Variants in ZZEF1 observed in about 807,000 individuals in gnomAD.
The protein encoded by ZZEF1 is zinc finger ZZ-type and EF-hand domain-containing protein 1.
In ZZEF1, 157 loss-of-function variants were observed where a neutral mutation model predicts 342.8. The observed-to-expected ratio is 0.46, with a 90% CI of 0.40 to 0.52. The LOEUF (loss-of-function observed/expected upper bound fraction) is 0.52. ZZEF1 is among the 20% of genes least tolerant of loss of function. The pLI, the probability that ZZEF1 is intolerant of heterozygous loss-of-function variation, is 0.00. For missense variants in ZZEF1, 3,480 were observed against 3,725.6 expected, an observed-to-expected ratio of 0.93 and a Z score of 1.72; for synonymous variants, 1,505 against 1,429.1, an observed-to-expected ratio of 1.05 and a Z score of -1.20.
chr17:4,083,528 A>G (rs1460835160), intron 16 of ZZEF1, among the ~76,000 whole-genome samples: 2 of 152,070 alleles, frequency 1.3e-5, no homozygotes, highest in Non-Finnish European at 2.9e-5. Context: ...TAGCCTCAAC[A>G]TGATTCTCCT....
At chr17:4,082,171 TTGTTAAACATTACTTGGAAAC>T (rs1192016296) in intron 17 of ZZEF1, among the ~76,000 whole-genome samples, 3 of 152,240 alleles carry the variant, frequency 2.0e-5, no homozygotes, top group Non-Finnish European at 4.4e-5. Context: ...TCAGTTTTTG[TTGTTAAACATTACTTGGAAAC>T]TGAAGTGTTC....
intron 31 of ZZEF1, among the ~76,000 whole-genome samples, chr17:4,058,684 G>T (rs1305275522): frequency 6.6e-6 from 1 of 152,172 alleles, no homozygotes; most frequent in African/African-American, 2.4e-5. Flanking sequence ...AGGCCAGCCT[G>T]AGCAACATGG....
chr17:4,097,926 CAAA>C (rs541461547), intron 9 of ZZEF1, among the ~76,000 whole-genome samples: 4 of 63,676 alleles, frequency 6.3e-5, no homozygotes, highest in African/African-American at 1.8e-4. Context: ...CCATTTCTAC[CAAA>C]AAAAAAAAAA....
chr17:4,074,267 C>T lies in ZZEF1; in HGVS notation c.3568G>A (p.Val1190Ile). The change falls in exon 24 of 55, where the codon GTC becomes ATC. Residue 1190 changes from valine (V) to isoleucine (I), a missense_variant. Physicochemically the swap from Val to Ile is conservative, Grantham distance 29. This residue lies in a region of ZZEF1 where 1,528 missense variants were observed against 1,624.1 expected (regional missense o/e 0.94). Coordinates refer to ENST00000381638, the MANE Select transcript of ZZEF1 (RefSeq NM_015113.4). ...ACATCGGGCAGCCCACAGGCAGTGA[C>T]AGTGAATTTGTAGCCCCATTCGTTG... is the stretch of plus-strand genomic sequence containing the variant. ...SHNEWGYKFTVTACGLPDVAV... is the reference protein window; with the variant it reads ...SHNEWGYKFTITACGLPDVAV... 6.2e-7 allele frequency: 1 copy of T among 1,614,178 alleles called. No homozygotes were observed. The highest frequency in any genetic ancestry group is 8.5e-7 in the Non-Finnish European group (1 of 1,180,038).
chr17:4,012,465 G>C (rs1461904075), intron 52 of ZZEF1, among the ~76,000 whole-genome samples: 1 of 152,110 alleles, frequency 6.6e-6, no homozygotes, highest in Non-Finnish European at 1.5e-5. Context: ...CATTCTGTGT[G>C]TCTGTGTCTG....
At position 4,008,263 on chromosome 17, in the gene ZZEF1, C is replaced by G. The variant is rs1421014389; in HGVS notation, c.8805+620G>C. 1 of 154,108 alleles carries G rather than the reference C, an allele frequency of 6.5e-6. No homozygotes were observed. The highest frequency in any genetic ancestry group is 2.4e-5 in the African/African-American group (1 of 41,476). 9.5% of individuals were successfully genotyped at this position (154,108 alleles called of 1,614,324 possible). Reference sequence around the variant, plus strand: ...AGGCATTCCTTTTTTCTTTTTTGGTCACCTATTTGTCCCAGAGCACTCAGT... The same window carrying G: ...AGGCATTCCTTTTTTCTTTTTTGGTGACCTATTTGTCCCAGAGCACTCAGT... On this transcript the variant is annotated intron_variant, in intron 54 of 54. Coordinates refer to ENST00000381638, the MANE Select transcript of ZZEF1 (RefSeq NM_015113.4). This position sits in a 1 kb window ranked among gnomAD's most constrained non-coding sequence, Gnocchi z 4.2.
intron 1 of ZZEF1, 132 bp downstream of exon 1, chr17:4,142,410 G>T: frequency 1.1e-6 from 1 of 943,672 alleles, no homozygotes; most frequent in Non-Finnish European, 1.5e-6. Context: ...CGAAGCAAAC[G>T]CCTGGTGAAA....
intron 2 of ZZEF1, among the ~76,000 whole-genome samples, chr17:4,122,677 GC>G (rs2145545155): frequency 6.6e-6 from 1 of 152,228 alleles, no homozygotes; most frequent in Non-Finnish European, 1.5e-5. Context: ...GAGCCACTGT[GC>G]CCCGCCGGCA....
At chr17:4,122,847 A>AT (rs2145546056) in intron 2 of ZZEF1, among the ~76,000 whole-genome samples, 1 of 152,026 alleles carries the variant, frequency 6.6e-6, no homozygotes, top group South Asian at 2.1e-4. Flanking sequence ...GAGGAGCCAC[A>AT]TTCACCTAAT....
chr17:4,040,103 C>T (rs1049937931), intron 39 of ZZEF1, among the ~76,000 whole-genome samples: 8 of 152,146 alleles, frequency 5.3e-5, no homozygotes, highest in East Asian at 3.9e-4. Context: ...GACTTCTCAT[C>T]GGTTGTTCTA....
intron 17 of ZZEF1, 66 bp from the exon 18 acceptor site, chr17:4,081,556 G>T: frequency 1.5e-6 from 2 of 1,371,010 alleles, no homozygotes; most frequent in Non-Finnish European, 2.1e-6. Context: ...TATTTTAAAA[G>T]ATTCCAAAAC....
chr17:4,013,032 T>G lies in ZZEF1; in HGVS notation c.8579+417A>C, dbSNP rs181074795. Among the ~76,000 whole-genome samples the G allele has an allele frequency of 1.4e-3, 215 of 150,464 alleles. 1 individual carries two copies. Among genetic ancestry groups the G allele is most frequent in the African/African-American group, 4.9e-3 (199 of 40,802 alleles). On this transcript the variant is annotated intron_variant, in intron 52 of 54. Coordinates refer to ENST00000381638, the MANE Select transcript of ZZEF1 (RefSeq NM_015113.4). ...CTAAAGATCTTGACTCTCATCAAAT[T>G]GATCTACAGTCGCACCACAGCACTC...
chr17:4,015,296 G>A (rs2144946760), intron 49 of ZZEF1, among the ~76,000 whole-genome samples: 1 of 152,354 alleles, frequency 6.6e-6, no homozygotes, highest in Admixed American at 6.5e-5. Flanking sequence ...CATGACAAGA[G>A]AAGAGACTTG....
At position 4,051,057 on chromosome 17, in the gene ZZEF1, A is replaced by G. The variant is rs759792212; in HGVS notation, c.5601-14T>C. 12 of 1,613,946 alleles carry G rather than the reference A, an allele frequency of 7.4e-6. No homozygotes were observed. The African/African-American group carries it at 1.3e-4, about 18-fold the overall frequency. On this transcript the variant is annotated splice_polypyrimidine_tract_variant and intron_variant, in intron 35 of 54. Transcript: ENST00000381638. ...GTAGGCAAATGGCTGCAAAGGCAAG[A>G]CACATTTAAAGCTTACAACCCTCCA...
intron 37 of ZZEF1, among the ~76,000 whole-genome samples, chr17:4,045,830 GTTT>G (rs35957444): frequency 2.2e-5 from 3 of 137,262 alleles, no homozygotes; most frequent in Non-Finnish European, 1.6e-5. Flanking sequence ...TTTTGTTCTT[GTTT>G]TTTTTTTTTT....
Position 4,088,846 on chromosome 17 carries a change from G to A in ZZEF1, c.2073C>T (p.Arg691=). The A allele has an allele frequency of 1.2e-6, 2 of 1,614,148 alleles. No homozygotes were observed. The highest frequency in any genetic ancestry group is 1.7e-6 in the Non-Finnish European group (2 of 1,180,038). The change falls in exon 13 of 55, where the codon CGC becomes CGT. Residue 691 remains arginine (R), a synonymous_variant. Transcript: ENST00000381638. ...TGATGGTCAAGCCTTGCACTCCCAA[G>A]CGCTCTGCTGACTCCTGACGGGTGC... The part of the protein sequence containing the change: ...FLCTRQESAE[R]LGVQGLTISG...
In ZZEF1 at chr17:4,104,615, A is replaced by T; in HGVS notation, c.1573+18T>A. The T allele has an allele frequency of 6.2e-7, 1 of 1,612,388 alleles. No homozygotes were observed. ...CACTGTTGACATTTCTATCACCCCC[A>T]TGTTTTACCATATTTACCATATTTG... On this transcript the variant is annotated intron_variant, in intron 8 of 54. Transcript: ENST00000381638.
At chr17:4,114,231 A>G in intron 4 of ZZEF1, 68 bp downstream of exon 4, 1 of 1,274,340 alleles carries the variant, frequency 7.8e-7, no homozygotes, top group Non-Finnish European at 1.0e-6. Flanking sequence ...TAAAATACAA[A>G]GAGTAGGCAG....
chr17:4,087,590 A>C (rs551691146), intron 13 of ZZEF1, 56 bp from the exon 14 acceptor site: 13 of 1,428,838 alleles, frequency 9.1e-6, no homozygotes, highest in Non-Finnish European at 1.2e-5. Flanking sequence ...TTAGAGAAAT[A>C]CTGTAATGCC....
Sources: allele counts gnomAD v4.1 joint callset (sites outside exome capture counted in the v4.1 genomes callset), GRCh38; gene constraint gnomAD v4.1.1; regional missense constraint gnomAD v4.1.1; non-coding constraint Gnocchi (gnomAD v3.1); transcripts MANE v1.5; gene names NCBI Gene and HGNC (gene_info 2026-07-23, HGNC 2026-07-21).